DCSTAMP: variants seen among roughly 807,000 people sequenced by gnomAD.
DCSTAMP encodes dendrocyte expressed seven transmembrane protein.
A neutral mutation model predicts 33.8 loss-of-function variants in DCSTAMP; 25 were observed. The observed-to-expected ratio is 0.74, with a 90% CI of 0.54 to 1.03. The LOEUF (loss-of-function observed/expected upper bound fraction) is 1.03, where lower values mean the gene tolerates loss of function less well. Among genes scored for constraint, DCSTAMP ranks in the 50% least tolerant of loss-of-function variants. The pLI is 0.00. For missense variants in DCSTAMP, 531 were observed against 556.8 expected (o/e 0.95, Z 0.47); for synonymous variants, 245 against 216.7 (o/e 1.13, Z -1.15).
rs1381669087 is a variant in DCSTAMP, at chr8:104,349,457, T to C, written c.905T>C (p.Ile302Thr). 3.1e-6 allele frequency: 5 copies of C among 1,614,060 alleles called. No homozygotes were observed. Among genetic ancestry groups the C allele is most frequent in the African/African-American group, 2.7e-5 (2 of 74,908 alleles). ...GGGCTGTTTTTCCTCCCCATACTTA[T>C]CCATCTCTGCATCTGGGTGCTGTTT... ...NLGLFFLPIL[I>T]HLCIWVLFAA... Residue 302 changes from isoleucine to threonine, a missense_variant, in exon 2 of 4, where the codon ATC becomes ACC. Physicochemically the swap from Ile to Thr is moderately conservative, Grantham distance 89 (BLOSUM62 -1). Transcript: ENST00000297581.
intron 2 of DCSTAMP, among the ~76,000 whole-genome samples, chr8:104,352,535 C>G (rs1431770448): frequency 1.3e-5 from 2 of 152,104 alleles, no homozygotes; most frequent in Admixed American, 6.5e-5. Context: ...TCTTCTCTCT[C>G]ATTTACTTCT....
At chr8:104,340,715 C>T (rs947728207) in intron 1 of DCSTAMP, among the ~76,000 whole-genome samples, 1 of 152,192 alleles carries the variant, frequency 6.6e-6, no homozygotes, top group Non-Finnish European at 1.5e-5. Context: ...CGCAACCTGG[C>T]TTGGGTAGAG....
At chr8:104,351,172 T>C (rs1405039909) in intron 2 of DCSTAMP, among the ~76,000 whole-genome samples, 1 of 151,882 alleles carries the variant, frequency 6.6e-6, no homozygotes, top group Non-Finnish European at 1.5e-5. Flanking sequence ...ATCGTTTATC[T>C]TTTCTTTTCC....
At chr8:104,342,503 G>A (rs1239709213) in intron 1 of DCSTAMP, among the ~76,000 whole-genome samples, 1 of 152,250 alleles carries the variant, frequency 6.6e-6, no homozygotes, top group Non-Finnish European at 1.5e-5. Flanking sequence ...GTTGGAGGCT[G>A]CTGTTCCTAC....
intron 2 of DCSTAMP, among the ~76,000 whole-genome samples, chr8:104,354,058 C>CAAGGAGATG (rs1250683280): frequency 1.3e-5 from 2 of 152,318 alleles, no homozygotes; most frequent in East Asian, 3.9e-4. Context: ...TCAATGTCAT[C>CAAGGAGATG]TCCTGCCCTC....
At chr8:104,348,147 G>C (rs1215004425) in intron 1 of DCSTAMP, among the ~76,000 whole-genome samples, 1 of 152,220 alleles carries the variant, frequency 6.6e-6, no homozygotes, top group Non-Finnish European at 1.5e-5. Flanking sequence ...AGAACTGTGA[G>C]AGAATAAATA....
rs1333626452 is a variant in DCSTAMP at position 104,349,143 on chromosome 8, G to T, written c.591G>T (p.Leu197Phe). Reference protein sequence around the residue: ...NDSKGEVLSVLYQMATTTEVL... With the variant: ...NDSKGEVLSVFYQMATTTEVL... ...GCAAAGGGGAAGTCCTGAGCGTCTT[G>T]TACCAGATGGCAACAACCACAGAGG... Residue 197 changes from leucine to phenylalanine, a missense_variant, in exon 2 of 4, where the codon TTG becomes TTT. By Grantham distance (22) the Leu-to-Phe change is conservative. Transcript: ENST00000297581. The T allele has an allele frequency of 8.1e-6, 13 of 1,614,184 alleles. No individual in the cohort carries two copies. The highest frequency in any genetic ancestry group is 1.0e-5 in the Non-Finnish European group (12 of 1,180,028).
At chr8:104,347,461 CA>C (rs1297923716) in intron 1 of DCSTAMP, among the ~76,000 whole-genome samples, 1 of 152,206 alleles carries the variant, frequency 6.6e-6, no homozygotes, top group Non-Finnish European at 1.5e-5. Flanking sequence ...TTGCATAATG[CA>C]GTTTATTGAC....
chr8:104,353,744 C>A (rs145240403), intron 2 of DCSTAMP, among the ~76,000 whole-genome samples: 2 of 152,262 alleles, frequency 1.3e-5, no homozygotes, highest in Non-Finnish European at 2.9e-5. Context: ...AGGTGCCCAG[C>A]GTCCGCTGGG....
At chr8:104,349,733 C>A (rs1810413690) in intron 2 of DCSTAMP, 152 bp downstream of exon 2, 1 of 822,440 alleles carries the variant, frequency 1.2e-6, no homozygotes, top group Non-Finnish European at 1.9e-6. Flanking sequence ...AGGAACCCAA[C>A]AATTGCAGGT....
chr8:104,342,766 G>A (rs1376697342), intron 1 of DCSTAMP, among the ~76,000 whole-genome samples: 2 of 152,374 alleles, frequency 1.3e-5, no homozygotes, highest in East Asian at 3.9e-4. Flanking sequence ...CCCTGGGAGA[G>A]ATGGCTAAGT....
rs1810567429 is a variant in DCSTAMP, at chr8:104,354,790, G to C, written c.1030-87G>C. 35 of 820,286 alleles carry C rather than the reference G, an allele frequency of 4.3e-5. 1 individual carries two copies. The South Asian group carries it at 6.1e-4, about 14-fold the overall frequency. 50.8% of individuals were successfully genotyped at this position (820,286 alleles called of 1,614,324 possible). On this transcript the variant is annotated intron_variant, in intron 2 of 3. Transcript: ENST00000297581. ...AGCTCCCTGTATATTTGAAGATAGT[G>C]CCATGTGCTGCAGGGAAGTACTGAG...
At position 104,348,911 on chromosome 8, in the gene DCSTAMP, G is replaced by C; in HGVS notation, c.359G>C (p.Gly120Ala). 6.2e-7 allele frequency: 1 copy of C among 1,614,196 alleles called. No homozygotes were observed. Residue 120 changes from glycine (G) to alanine (A), a missense_variant, in exon 2 of 4, where the codon GGT (glycine) becomes GCT (alanine). Transcript: ENST00000297581. The part of the protein sequence containing the change: ...HVENIFHNFK[G>A]LLDGMTCNLR... ...GAAAATATTTTTCACAACTTTAAAG[G>C]TCTCCTAGATGGTATGACTTGCAAC...
intron 3 of DCSTAMP, among the ~76,000 whole-genome samples, chr8:104,355,726 G>A (rs1402596650): frequency 6.6e-6 from 1 of 152,100 alleles, no homozygotes; most frequent in Non-Finnish European, 1.5e-5. Context: ...ATTAATGAGG[G>A]AATGGTAAGA....
chr8:104,354,865 C>A lies in DCSTAMP; in HGVS notation c.1030-12C>A, dbSNP rs1170687091. The A allele has an allele frequency of 6.5e-7, 1 of 1,537,370 alleles. No homozygotes were observed. The highest frequency in any genetic ancestry group is 2.3e-5 in the East Asian group (1 of 44,400). ...TGGCATGCATCATGATTATTTTATT[C>A]TTTCATTTTAGAAACAAGGAACTCA... On this transcript the variant is annotated splice_polypyrimidine_tract_variant and intron_variant, in intron 2 of 3. Transcript: ENST00000297581.
intron 1 of DCSTAMP, among the ~76,000 whole-genome samples, chr8:104,346,153 C>T (rs1348304492): frequency 6.6e-6 from 1 of 152,222 alleles, no homozygotes; most frequent in Non-Finnish European, 1.5e-5. Flanking sequence ...ATGCAAAGAG[C>T]ATCTGCAGGC....
intron 1 of DCSTAMP, 102 bp downstream of exon 1, chr8:104,339,964 C>T (rs2099382464): frequency 6.6e-6 from 1 of 152,216 alleles, no homozygotes; most frequent in Non-Finnish European, 1.5e-5. Context: ...TTAAGGCCCC[C>T]TATACCCCGA....
At chr8:104,343,830 C>T (rs1029585419) in intron 1 of DCSTAMP, among the ~76,000 whole-genome samples, 7 of 152,208 alleles carry the variant, frequency 4.6e-5, no homozygotes, top group East Asian at 3.8e-4. Flanking sequence ...GTCTGCAAGC[C>T]GGGGAGGGGT....
chr8:104,353,639 A>C (rs1473758744), intron 2 of DCSTAMP, among the ~76,000 whole-genome samples: 1 of 152,266 alleles, frequency 6.6e-6, no homozygotes, highest in African/African-American at 2.4e-5. Context: ...TTGCTTCGGC[A>C]CAGTGCTGGG....
Sources: allele counts gnomAD v4.1 joint callset (sites outside exome capture counted in the v4.1 genomes callset), GRCh38; gene constraint gnomAD v4.1.1; transcripts MANE v1.5; gene names NCBI Gene and HGNC (gene_info 2026-07-23, HGNC 2026-07-21).